SNCAIP: variants seen among roughly 807,000 people sequenced by gnomAD.
SNCAIP encodes the protein synphilin-1.
In SNCAIP, 43 loss-of-function variants were observed where a neutral mutation model predicts 86.7. The ratio of observed to expected loss-of-function variants is 0.50; its 90% CI spans 0.39 to 0.64. SNCAIP has a LOEUF of 0.64. Among genes scored for constraint, SNCAIP ranks in the 30% least tolerant of loss-of-function variants. The pLI, the probability that SNCAIP is intolerant of heterozygous loss-of-function variation, is 0.00. For synonymous variants in SNCAIP, 417 were observed against 427.2 expected (o/e 0.98, Z 0.29); for missense variants, 981 against 1,103.1 (o/e 0.89, Z 1.57).
intron 3 of SNCAIP, among the ~76,000 whole-genome samples, chr5:122,420,587 T>TATA (rs35340371): frequency 0.19 from 26,028 of 134,668 alleles, 2,446 homozygotes; most frequent in East Asian, 0.29. Context: ...ATATATATAT[T>TATA]TTTTTTTCCA....
At chr5:122,429,345 A>G (rs942591803) in intron 5 of SNCAIP, among the ~76,000 whole-genome samples, 4 of 151,742 alleles carry the variant, frequency 2.6e-5, no homozygotes, top group Non-Finnish European at 5.9e-5. Context: ...AATTAGAGTA[A>G]AAAGAAATAA....
chr5:122,463,526 A>G lies in SNCAIP; in HGVS notation c.*30A>G, dbSNP rs200751213. Reference sequence around the variant, plus strand: ...ATCAATAGAAAAATGAAGAAATCCTACAGCATAAAGCACATTGCTGAGCCA... The same window carrying G: ...ATCAATAGAAAAATGAAGAAATCCTGCAGCATAAAGCACATTGCTGAGCCA... On this transcript the variant is annotated 3_prime_UTR_variant, in exon 11 of 11. Coordinates refer to ENST00000261368, the MANE Select transcript of SNCAIP (RefSeq NM_005460.4). 2 of 1,610,110 alleles carry G rather than the reference A, an allele frequency of 1.2e-6. No individual in the cohort carries two copies. Among genetic ancestry groups the G allele is most frequent in the Non-Finnish European group, 1.7e-6 (2 of 1,177,084 alleles).
At chr5:122,389,768 G>A (rs78508604) in intron 1 of SNCAIP, 1 of 152,204 alleles carries the variant, frequency 6.6e-6, no homozygotes, top group East Asian at 1.9e-4. Context: ...TCCTTTCTTG[G>A]ATGGACTCTG....
At chr5:122,335,088 A>AT (rs1756162875) in intron 1 of SNCAIP, among the ~76,000 whole-genome samples, 1 of 152,222 alleles carries the variant, frequency 6.6e-6, no homozygotes, top group Non-Finnish European at 1.5e-5. Flanking sequence ...TTAAATACAC[A>AT]TTTTTAAGGA....
chr5:122,375,873 G>T (rs772707797), intron 1 of SNCAIP, among the ~76,000 whole-genome samples: 3 of 152,138 alleles, frequency 2.0e-5, no homozygotes, highest in Non-Finnish European at 2.9e-5. Flanking sequence ...GTATAATGAA[G>T]TTAACATCTG....
intron 1 of SNCAIP, among the ~76,000 whole-genome samples, chr5:122,386,384 C>T (rs533851583): frequency 5.3e-5 from 8 of 152,270 alleles, no homozygotes; most frequent in Admixed American, 5.2e-4. Context: ...TCACTGAGGT[C>T]ACTCTTGAGA....
rs1218886285 is a variant in SNCAIP, at chr5:122,444,597, A to AG, written c.1458dup (p.Asn487GlufsTer95). 6.2e-7 allele frequency: 1 copy of AG among 1,614,204 alleles called. No homozygotes were observed. Among genetic ancestry groups the AG allele is most frequent in the Non-Finnish European group, 8.5e-7 (1 of 1,180,018 alleles). ...GAATATGGAGCAAATGTCACCATGC[A>AG]GAACCACGCTGGGGAAAAGCCCTCC... On this transcript the variant is annotated frameshift_variant, in exon 8 of 11. Coordinates refer to ENST00000261368, the MANE Select transcript of SNCAIP (RefSeq NM_005460.4). LOFTEE classifies it high-confidence loss of function.
At chr5:122,440,543 C>G in intron 6 of SNCAIP, 86 bp from the exon 7 acceptor site, 1 of 1,319,342 alleles carries the variant, frequency 7.6e-7, no homozygotes, top group Non-Finnish European at 1.1e-6. Flanking sequence ...CTAAGCTTCA[C>G]AAATTAGGGT....
At chr5:122,442,077 T>C (rs922549042) in intron 7 of SNCAIP, among the ~76,000 whole-genome samples, 11 of 150,802 alleles carry the variant, frequency 7.3e-5, no homozygotes, top group African/African-American at 2.2e-4. Context: ...GTATATAACA[T>C]GTAATACACT....
rs1329413299 is a variant in SNCAIP, at chr5:122,313,135, T to G, written c.-47+851T>G. ...CAACAGCATTGTTGCTCATTTTCAA[T>G]GGACGGCTAGGAGGGGGGAAACGTG... On this transcript the variant is annotated intron_variant, in intron 1 of 10. Coordinates refer to ENST00000261368, the MANE Select transcript of SNCAIP (RefSeq NM_005460.4). 2.0e-5 allele frequency among the ~76,000 whole-genome samples: 3 copies of G among 152,362 alleles called. No homozygotes were observed. The East Asian group carries it at 5.8e-4, about 29-fold the overall frequency.
At chr5:122,440,413 G>A (rs1300979373) in intron 6 of SNCAIP, 1 of 555,686 alleles carries the variant, frequency 1.8e-6, no homozygotes, top group East Asian at 3.2e-5. Context: ...TTCCAAGGGA[G>A]CTTCCTGCTC....
chr5:122,435,614 A>G (rs1274295143), intron 6 of SNCAIP, among the ~76,000 whole-genome samples: 1 of 141,812 alleles, frequency 7.1e-6, no homozygotes, highest in African/African-American at 2.7e-5. Flanking sequence ...CTTTACCTAC[A>G]CTGTTTTTAT....
chr5:122,342,345 G>A (rs545393263), intron 1 of SNCAIP, among the ~76,000 whole-genome samples: 1 of 151,978 alleles, frequency 6.6e-6, no homozygotes, highest in Non-Finnish European at 1.5e-5. Context: ...CCCAGGGCAC[G>A]GGTCCTCAGG....
chr5:122,369,629 G>A (rs1403529493), intron 1 of SNCAIP: 2 of 152,154 alleles, frequency 1.3e-5, no homozygotes, highest in Non-Finnish European at 2.9e-5. Flanking sequence ...AAAGGACCTC[G>A]GTGAAATTGA....
At chr5:122,448,909 G>A (rs975556078) in intron 8 of SNCAIP, among the ~76,000 whole-genome samples, 3 of 149,112 alleles carry the variant, frequency 2.0e-5, no homozygotes, top group Non-Finnish European at 3.0e-5. Context: ...CCAGTTACTC[G>A]GGAGGCTGAG....
At chr5:122,460,592 C>T (rs965948410) in intron 10 of SNCAIP, among the ~76,000 whole-genome samples, 1 of 152,062 alleles carries the variant, frequency 6.6e-6, no homozygotes, top group Non-Finnish European at 1.5e-5. Flanking sequence ...TCCTCCCACC[C>T]CCATGAATAT....
intron 3 of SNCAIP, among the ~76,000 whole-genome samples, chr5:122,405,948 T>C (rs1464222223): frequency 6.6e-6 from 1 of 152,164 alleles, no homozygotes; most frequent in Admixed American, 6.5e-5. Flanking sequence ...AAAGGCGCAG[T>C]GCTCAAGGTA....
intron 1 of SNCAIP, among the ~76,000 whole-genome samples, chr5:122,315,512 GA>G (rs558089227): frequency 8.2e-4 from 125 of 152,312 alleles, no homozygotes; most frequent in African/African-American, 2.9e-3. Flanking sequence ...CTTATGATGA[GA>G]AGGAGCTGCA....
Position 122,318,833 on chromosome 5 carries a change from C to T in SNCAIP, c.-47+6549C>T, listed in dbSNP as rs565225651. Among the ~76,000 whole-genome samples the T allele has an allele frequency of 1.1e-4, 16 of 152,306 alleles. No individual in the cohort carries two copies. In the South Asian group the frequency reaches 3.3e-3, roughly 32 times the overall value. Reference sequence around the variant, plus strand: ...GACCAGATAAGGAATCCTTTTCCCCCTATCATCAGAGAGGATATTTAATAA... The same window carrying T: ...GACCAGATAAGGAATCCTTTTCCCCTTATCATCAGAGAGGATATTTAATAA... On this transcript the variant is annotated intron_variant, in intron 1 of 10. Coordinates refer to ENST00000261368, the MANE Select transcript of SNCAIP (RefSeq NM_005460.4).
Sources: gnomAD v4.1 joint callset for allele counts (sites outside exome capture counted in the v4.1 genomes callset) on GRCh38, gnomAD v4.1.1 for gene constraint, MANE v1.5 for transcripts, NCBI Gene and HGNC (gene_info 2026-07-23, HGNC 2026-07-21) for gene names.